CAMKK1: variants seen among roughly 807,000 people sequenced by gnomAD.
The protein encoded by CAMKK1 is calcium/calmodulin dependent protein kinase kinase 1, also known as calcium/calmodulin-dependent protein kinase kinase 1.
A neutral mutation model predicts 63.5 loss-of-function variants in CAMKK1; 20 were observed. The ratio of observed to expected loss-of-function variants is 0.32; its 90% confidence interval spans 0.22 to 0.46. The LOEUF (loss-of-function observed/expected upper bound fraction) is 0.46. CAMKK1 is among the 20% of genes least tolerant of loss of function. CAMKK1 has a pLI of 1.00. For missense variants in CAMKK1, 588 were observed against 658.1 expected, an observed-to-expected ratio of 0.89 and a Z score of 1.17; for synonymous variants, 253 against 269.0, an observed-to-expected ratio of 0.94 and a Z score of 0.58.
Position 3,879,633 on chromosome 17 carries a change from T to C in CAMKK1, c.796+713A>G, listed in dbSNP as rs1173383043. The C allele has an allele frequency of 6.6e-6, 1 of 152,380 alleles. No homozygotes were observed. 9.4% of individuals were successfully genotyped at this position (152,380 alleles called of 1,614,324 possible). A position where few individuals can be genotyped will look rare whatever the true frequency, so the allele number is the denominator to read the frequency against. On this transcript the variant is annotated intron_variant, in intron 9 of 15. Coordinates refer to ENST00000348335, the MANE Select transcript of CAMKK1 (RefSeq NM_032294.3). The surrounding 1 kb of genome is among the most constrained non-coding windows in gnomAD (Gnocchi z 4.5). The stretch of plus-strand genomic sequence containing the variant: ...CACGCCTATGCCAGGCACATCGTCT[T>C]CCACGCCCATCCCTCAAAACCTGAG...
chr17:3,883,399 C>T lies in CAMKK1; in HGVS notation c.514+30G>A. The T allele has an allele frequency of 1.2e-6, 2 of 1,606,620 alleles. No individual in the cohort carries two copies. The highest frequency in any genetic ancestry group is 1.7e-6 in the Non-Finnish European group (2 of 1,173,110). ...TCCTCCTCTGCCTCCAGGCTAGGAG[C>T]TCCCAGGGACAGGATCAGAAGATAC... On this transcript the variant is annotated intron_variant, in intron 5 of 15. Transcript: ENST00000348335. This position sits in a 1 kb window ranked among gnomAD's most constrained non-coding sequence, Gnocchi z 4.7.
chr17:3,874,986 G>A lies in CAMKK1; in HGVS notation c.996+1237C>T, dbSNP rs558644910. Among the ~76,000 whole-genome samples, 746 of 152,120 alleles carry A rather than the reference G, an allele frequency of 4.9e-3. 8 individuals are homozygous for A. The highest frequency in any genetic ancestry group is 0.017 in the African/African-American group (713 of 41,528). On this transcript the variant is annotated intron_variant, in intron 10 of 15. Coordinates refer to ENST00000348335, the MANE Select transcript of CAMKK1 (RefSeq NM_032294.3). ...AAATACAAAAAATTAGCCGGGCGTG[G>A]TGGTGGGCGCCTGTAGTCCCAGCTA...
intron 9 of CAMKK1, among the ~76,000 whole-genome samples, chr17:3,876,756 GGTTTTTTTTTTTTT>G (rs201623297): frequency 0.15 from 21,620 of 145,418 alleles, 2,818 homozygotes; most frequent in African/African-American, 0.34. Flanking sequence ...TTTTTTTTTT[GGTTTTTTTTTTTTT>G]TTTTTGAGAC....
rs1444395553 is a variant in CAMKK1 at position 3,862,427 on chromosome 17, G to A, written c.1446-144C>T. 16 of 702,632 alleles carry A rather than the reference G, an allele frequency of 2.3e-5. No individual in the cohort carries two copies. The highest frequency in any genetic ancestry group is 2.5e-6 in the Non-Finnish European group (1 of 406,446). 43.5% of individuals were successfully genotyped at this position (702,632 alleles called of 1,614,324 possible). On this transcript the variant is annotated intron_variant, in intron 15 of 15. Transcript: ENST00000348335. This position sits in a 1 kb window ranked among gnomAD's most constrained non-coding sequence, Gnocchi z 4.1. ...ACTGCCCCAAGCTTGGCCTCCCTCT[G>A]GCCTCCCTACATCACGGCAGTTGCT... is the stretch of plus-strand genomic sequence containing the variant.
At position 3,860,432 on chromosome 17, in the gene CAMKK1, A is replaced by G. The variant is rs1241576515; in HGVS notation, c.*1779T>C. On this transcript the variant is annotated 3_prime_UTR_variant, in exon 16 of 16. Transcript: ENST00000348335. ...CTCATCGCTTGTGCTACATTCAAAA[A>G]CAACGATGCCAACCAAAACCCTCAG... is the stretch of plus-strand genomic sequence containing the variant. 1 of 152,634 alleles carries G rather than the reference A, an allele frequency of 6.6e-6. No individual in the cohort carries two copies. Among genetic ancestry groups the G allele is most frequent in the Non-Finnish European group, 1.5e-5 (1 of 68,044 alleles). The allele number at this position is 152,634 out of a possible 1,614,324, so 9.5% of individuals were successfully genotyped here.
Position 3,876,408 on chromosome 17 carries a change from T to C in CAMKK1, c.811A>G (p.Ile271Val). The change falls in exon 10 of 16, where the codon ATC (isoleucine) becomes GTC (valine). Residue 271 changes from isoleucine to valine, a missense_variant. This residue lies in a region of CAMKK1 where 357 missense variants were observed against 407.4 expected (regional missense o/e 0.88). Coordinates refer to ENST00000348335, the MANE Select transcript of CAMKK1 (RefSeq NM_032294.3). ...GATGGCTTGATGTCCCTGTGGACGA[T>C]CTTCTGGCAGTGCACTGCAGAGAAG... The part of the protein sequence containing the change: ...LGLEYLHCQK[I>V]VHRDIKPSNL... 1.9e-6 allele frequency: 3 copies of C among 1,614,112 alleles called. No homozygotes were observed. The highest frequency in any genetic ancestry group is 1.7e-5 in the Admixed American group (1 of 60,030).
chr17:3,891,117 G>GGA (rs897058667), intron 1 of CAMKK1, among the ~76,000 whole-genome samples: 9 of 151,782 alleles, frequency 5.9e-5, no homozygotes, highest in African/African-American at 2.2e-4. Flanking sequence ...GTTGGGGGGG[G>GGA]GGTCACAGGC....
At position 3,884,645 on chromosome 17, in the gene CAMKK1, G is replaced by A. The variant is rs146832233; in HGVS notation, c.361-218C>T. 3.6e-3 allele frequency among the ~76,000 whole-genome samples: 549 copies of A among 152,340 alleles called. 3 individuals carry two copies. Among genetic ancestry groups the A allele is most frequent in the African/African-American group, 0.012 (515 of 41,578 alleles). On this transcript the variant is annotated intron_variant, in intron 2 of 15. Transcript: ENST00000348335. The surrounding 1 kb of genome is among the most constrained non-coding windows in gnomAD (Gnocchi z 4.5). ...CATGTTTGAAAACATGGATGGTGAC[G>A]CCATGGCTGTGCCTTGTTCCCCAGA...
chr17:3,882,224 TG>T lies in CAMKK1; in HGVS notation c.685+303del, dbSNP rs754602684. ...AACTGAGGCACAGAGCTACAGTGTC[TG>T]GGAACCCATGCAGCCTGCTTCCTGC... On this transcript the variant is annotated intron_variant, in intron 7 of 15. Transcript: ENST00000348335. The surrounding 1 kb of genome is among the most constrained non-coding windows in gnomAD (Gnocchi z 4.3). 1.3e-5 allele frequency: 20 copies of T among 1,494,646 alleles called. No homozygotes were observed. The highest frequency in any genetic ancestry group is 1.7e-5 in the Non-Finnish European group (18 of 1,080,606). The allele number at this position is 1,494,646 out of a possible 1,614,324, so 92.6% of individuals were successfully genotyped here. A position where few individuals can be genotyped will look rare whatever the true frequency, so the allele number is the denominator to read the frequency against.
In CAMKK1 at chr17:3,862,442, C is replaced by T. The variant is rs551007457; in HGVS notation, c.1446-159G>A. On this transcript the variant is annotated intron_variant, in intron 15 of 15. Transcript: ENST00000348335. The surrounding 1 kb of genome is among the most constrained non-coding windows in gnomAD (Gnocchi z 4.1). ...GCCTCCCTCTGGCCTCCCTACATCA[C>T]GGCAGTTGCTCCTTGCCGGTCTCTC... is the stretch of plus-strand genomic sequence containing the variant. Among the ~76,000 whole-genome samples, 7 of 152,266 alleles carry T rather than the reference C, an allele frequency of 4.6e-5. No individual in the cohort carries two copies. Among genetic ancestry groups the T allele is most frequent in the East Asian group, 1.9e-4 (1 of 5,168 alleles).
chr17:3,868,740 C>A (rs922881769), intron 14 of CAMKK1, among the ~76,000 whole-genome samples: 1 of 152,026 alleles, frequency 6.6e-6, no homozygotes, highest in Non-Finnish European at 1.5e-5. Context: ...ACAACCTCCA[C>A]CTCCCAGGTT....
chr17:3,885,362 A>G lies in CAMKK1; in HGVS notation c.326T>C (p.Ile109Thr). ...ISPRAWRRPTIESHHVAISDA... is the reference protein window; with the variant it reads ...ISPRAWRRPTTESHHVAISDA... ...TGAGATGGCCACGTGGTGGGACTCG[A>G]TGGTGGGCCTCCGCCAGGCCCGGGG... is the stretch of plus-strand genomic sequence containing the variant. Residue 109 changes from isoleucine to threonine, a missense_variant, in exon 2 of 16, where the codon ATC (isoleucine) becomes ACC (threonine). Physicochemically the swap from Ile to Thr is moderately conservative, Grantham distance 89 (BLOSUM62 -1). Coordinates refer to ENST00000348335, the MANE Select transcript of CAMKK1 (RefSeq NM_032294.3). 6.2e-7 allele frequency: 1 copy of G among 1,605,734 alleles called. No individual in the cohort carries two copies. Among genetic ancestry groups the G allele is most frequent in the Non-Finnish European group, 8.5e-7 (1 of 1,175,000 alleles).
In CAMKK1 at chr17:3,862,079, G is replaced by T. The variant is rs549231531; in HGVS notation, c.*132C>A. 5.8e-6 allele frequency: 4 copies of T among 684,412 alleles called. No homozygotes were observed. The highest frequency in any genetic ancestry group is 1.0e-5 in the Non-Finnish European group (4 of 394,942). The allele number at this position is 684,412 out of a possible 1,614,324, so 42.4% of individuals were successfully genotyped here. On this transcript the variant is annotated 3_prime_UTR_variant, in exon 16 of 16. Coordinates refer to ENST00000348335, the MANE Select transcript of CAMKK1 (RefSeq NM_032294.3). The surrounding 1 kb of genome is among the most constrained non-coding windows in gnomAD (Gnocchi z 4.1). ...TGCGTGCGTGGAGGTCATGCAGCACGATGGGGGAGGGGCGGGAGTGGGGCT... is the reference window on the plus strand; with the variant it reads ...TGCGTGCGTGGAGGTCATGCAGCACTATGGGGGAGGGGCGGGAGTGGGGCT...
intron 12 of CAMKK1, among the ~76,000 whole-genome samples, chr17:3,871,133 CA>C (rs1368101160): frequency 1.3e-5 from 2 of 151,992 alleles, no homozygotes; most frequent in African/African-American, 4.8e-5. Context: ...GCAGCGAGAC[CA>C]GGGGGAAGGT....
Position 3,883,333 on chromosome 17 carries a change from T to C in CAMKK1, c.514+96A>G. 2.0e-6 allele frequency: 3 copies of C among 1,487,224 alleles called. No homozygotes were observed. In the South Asian group the frequency reaches 3.4e-5, roughly 17 times the overall value. The allele number at this position is 1,487,224 out of a possible 1,614,324, so 92.1% of individuals were successfully genotyped here. A position where few individuals can be genotyped will look rare whatever the true frequency, so the allele number is the denominator to read the frequency against. On this transcript the variant is annotated intron_variant, in intron 5 of 15. Transcript: ENST00000348335. The surrounding 1 kb of genome is among the most constrained non-coding windows in gnomAD (Gnocchi z 4.7). ...GGCCTCTGCTCACGCTGTCTCCCTC[T>C]CTACCCCATTCCTAGCCAAAACTAG...
rs1271951996 is a variant in CAMKK1 at position 3,862,660 on chromosome 17, C to T, written c.1446-377G>A. ...TTGTTGTTGTTTTGAGACAGCGTCT[C>T]GCTCTGTCGTGCAGGCTGCAGTGCA... is the stretch of plus-strand genomic sequence containing the variant. On this transcript the variant is annotated intron_variant, in intron 15 of 15. Transcript: ENST00000348335. The surrounding 1 kb of genome is among the most constrained non-coding windows in gnomAD (Gnocchi z 4.1). Among the ~76,000 whole-genome samples the T allele has an allele frequency of 6.6e-6, 1 of 152,254 alleles. No individual in the cohort carries two copies. Among genetic ancestry groups the T allele is most frequent in the African/African-American group, 2.4e-5 (1 of 41,476 alleles).
chr17:3,872,600 C>G lies in CAMKK1; in HGVS notation c.1078G>C (p.Ala360Pro), dbSNP rs1475357394. ...KCPFIDDFIL[A>P]LHRKIKNEPV... ...TCATTCTTGATCTTCCTGTGGAGGG[C>G]CAGGATGAAATCGTCGATGAATGGG... The change falls in exon 12 of 16, where the codon GCC becomes CCC. Residue 360 changes from alanine (A) to proline (P), a missense_variant. By Grantham distance (27) the Ala-to-Pro change is conservative. This residue lies in a region of CAMKK1 where 226 missense variants were observed against 229.2 expected (regional missense o/e 0.99). Coordinates refer to ENST00000348335, the MANE Select transcript of CAMKK1 (RefSeq NM_032294.3). 2.5e-6 allele frequency: 4 copies of G among 1,613,974 alleles called. No individual in the cohort carries two copies. Among genetic ancestry groups the G allele is most frequent in the Non-Finnish European group, 3.4e-6 (4 of 1,179,866 alleles).
chr17:3,877,375 T>G (rs1457033096), intron 9 of CAMKK1, among the ~76,000 whole-genome samples: 1 of 152,080 alleles, frequency 6.6e-6, no homozygotes, highest in Non-Finnish European at 1.5e-5. Context: ...AATGACCTAA[T>G]AGGCTGGAGG....
In CAMKK1 at chr17:3,889,898, G is replaced by A. The variant is rs907655358; in HGVS notation, c.-44+3041C>T. Reference sequence around the variant, plus strand: ...AGGCAGACCCTGCTGCCATCCACGCGGGTTCAAGTAGCTCCACCTGGGAGC... The same window carrying A: ...AGGCAGACCCTGCTGCCATCCACGCAGGTTCAAGTAGCTCCACCTGGGAGC... On this transcript the variant is annotated intron_variant, in intron 1 of 15. Transcript: ENST00000348335. This position sits in a 1 kb window ranked among gnomAD's most constrained non-coding sequence, Gnocchi z 5.2. Among the ~76,000 whole-genome samples, 3 of 152,200 alleles carry A rather than the reference G, an allele frequency of 2.0e-5. No homozygotes were observed. Among genetic ancestry groups the A allele is most frequent in the African/African-American group, 4.8e-5 (2 of 41,444 alleles).
Sources: gnomAD v4.1 joint callset for allele counts (sites outside exome capture counted in the v4.1 genomes callset) on GRCh38, gnomAD v4.1.1 for gene constraint, gnomAD v4.1.1 regional missense constraint, Gnocchi (gnomAD v3.1) non-coding constraint, MANE v1.5 for transcripts, NCBI Gene and HGNC (gene_info 2026-07-23, HGNC 2026-07-21) for gene names.